Variants in TFAP4 observed in about 807,000 individuals in gnomAD.
TFAP4 encodes transcription factor AP-4.
A neutral mutation model predicts 40.4 loss-of-function variants in TFAP4; 7 were observed. That is an observed-to-expected ratio of 0.17 (90% CI 0.10 to 0.33). The LOEUF (loss-of-function observed/expected upper bound fraction) is 0.33, where lower values mean the gene tolerates loss of function less well. TFAP4 is among the 10% of genes least tolerant of loss of function. The pLI is 1.00. For synonymous variants in TFAP4, 218 were observed against 181.4 expected (o/e 1.20, Z -1.62); for missense variants, 374 against 451.1 (o/e 0.83, Z 1.55).
At chr16:4,260,055 C>T (rs766163277) in intron 6 of TFAP4, 35 bp downstream of exon 6, 12 of 1,591,862 alleles carry the variant, frequency 7.5e-6, no homozygotes, top group Non-Finnish European at 9.4e-6. Context: ...CGGAGTATGA[C>T]CCCCACAAGC....
At position 4,257,849 on chromosome 16, in the gene TFAP4, A is replaced by G; in HGVS notation, c.*206T>C. ...CGCCCTGGGGTGCCGATGCTCCCAC[A>G]CGCTCTGCGACACCCCAGCCCCGGG... On this transcript the variant is annotated 3_prime_UTR_variant, in exon 7 of 7. Coordinates refer to ENST00000204517, the MANE Select transcript of TFAP4 (RefSeq NM_003223.3). 1 of 563,496 alleles carries G rather than the reference A, an allele frequency of 1.8e-6. No individual in the cohort carries two copies. 34.9% of individuals were successfully genotyped at this position (563,496 alleles called of 1,614,324 possible).
At chr16:4,262,767 C>G in intron 1 of TFAP4, 66 bp from the exon 2 acceptor site, 2 of 1,547,680 alleles carry the variant, frequency 1.3e-6, no homozygotes, top group Non-Finnish European at 1.8e-6. Context: ...CCAGAGGGCC[C>G]CAGTGGAAAC....
chr16:4,259,034 G>C (rs191640914), intron 6 of TFAP4, among the ~76,000 whole-genome samples: 261 of 151,926 alleles, frequency 1.7e-3, no homozygotes, highest in African/African-American at 5.4e-3. Context: ...GTTGCGATGA[G>C]CTGAGATAGC....
In TFAP4 at chr16:4,257,853, T is replaced by TCTGCGACACCCCAGCCC. The variant is rs2052909184; in HGVS notation, c.*185_*201dup. 1.8e-6 allele frequency: 1 copy of TCTGCGACACCCCAGCCC among 568,560 alleles called. No individual in the cohort carries two copies. The highest frequency in any genetic ancestry group is 2.0e-5 in the African/African-American group (1 of 51,026). The allele number at this position is 568,560 out of a possible 1,614,324, so 35.2% of individuals were successfully genotyped here. On this transcript the variant is annotated 3_prime_UTR_variant, in exon 7 of 7. Transcript: ENST00000204517. ...CTGGGGTGCCGATGCTCCCACACGC[T>TCTGCGACACCCCAGCCC]CTGCGACACCCCAGCCCCGGGACCT...
chr16:4,269,286 G>T (rs913642691), intron 1 of TFAP4, among the ~76,000 whole-genome samples: 1 of 151,776 alleles, frequency 6.6e-6, no homozygotes, highest in Non-Finnish European at 1.5e-5. Context: ...GAGGTCAGGA[G>T]ATCGAGACCA....
chr16:4,258,381 G>A (rs949783263), intron 6 of TFAP4, 132 bp from the exon 7 acceptor site: 9 of 831,526 alleles, frequency 1.1e-5, no homozygotes, highest in Non-Finnish European at 1.5e-5. Context: ...AAAGCAGCAG[G>A]GGAGGCCCGC....
At chr16:4,263,116 G>A (rs995672809) in intron 1 of TFAP4, 2 of 223,394 alleles carry the variant, frequency 9.0e-6, no homozygotes, top group Admixed American at 5.2e-5. Flanking sequence ...AGGCTGCAGT[G>A]AGCTATGATC....
intron 6 of TFAP4, among the ~76,000 whole-genome samples, chr16:4,259,446 T>C (rs954243606): frequency 5.3e-5 from 8 of 152,364 alleles, no homozygotes; most frequent in African/African-American, 1.9e-4. Flanking sequence ...TATGTTTATG[T>C]ATTTTAAAGC....
intron 1 of TFAP4, among the ~76,000 whole-genome samples, chr16:4,270,794 C>T (rs2141098099): frequency 6.6e-6 from 1 of 152,316 alleles, no homozygotes; most frequent in South Asian, 2.1e-4. Context: ...AGGATCAGGC[C>T]CAGAATGTCT....
chr16:4,269,492 CAAAAAAAAAAAA>C (rs60856578), intron 1 of TFAP4, among the ~76,000 whole-genome samples: 3 of 43,218 alleles, frequency 6.9e-5, no homozygotes, highest in Non-Finnish European at 1.2e-4. Context: ...GACTCTGCCT[CAAAAAAAAAAAA>C]AAAAAAAAAA....
At chr16:4,272,572 A>G in intron 1 of TFAP4, 86 bp downstream of exon 1, 2 of 993,942 alleles carry the variant, frequency 2.0e-6, no homozygotes, top group African/African-American at 1.8e-5. Flanking sequence ...GGCGCGGGCC[A>G]TGCGTGCGCA....
At chr16:4,264,482 G>A (rs1206647085) in intron 1 of TFAP4, 1 of 152,384 alleles carries the variant, frequency 6.6e-6, no homozygotes, top group Non-Finnish European at 1.5e-5. Flanking sequence ...CAAAGGCCCA[G>A]GGCCTGCACC....
intron 1 of TFAP4, among the ~76,000 whole-genome samples, chr16:4,271,305 G>A (rs894263498): frequency 6.6e-6 from 1 of 152,230 alleles, no homozygotes; most frequent in Non-Finnish European, 1.5e-5. Flanking sequence ...ACACCGGCGG[G>A]CTCCTCCTCC....
chr16:4,257,923 A>T lies in TFAP4; in HGVS notation c.*132T>A. ...CAAAGGTCGATTTACAGTATTGAAA[A>T]AGAGGTCATAAAAGAGACCCAAATG... On this transcript the variant is annotated 3_prime_UTR_variant, in exon 7 of 7. Coordinates refer to ENST00000204517, the MANE Select transcript of TFAP4 (RefSeq NM_003223.3). 1.1e-6 allele frequency: 1 copy of T among 875,324 alleles called. No individual in the cohort carries two copies. Among genetic ancestry groups the T allele is most frequent in the Non-Finnish European group, 1.7e-6 (1 of 586,056 alleles). 54.2% of individuals were successfully genotyped at this position (875,324 alleles called of 1,614,324 possible). A position where few individuals can be genotyped will look rare whatever the true frequency, so the allele number is the denominator to read the frequency against.
At chr16:4,259,948 C>T (rs1034418822) in intron 6 of TFAP4, 142 bp downstream of exon 6, 64 of 1,131,526 alleles carry the variant, frequency 5.7e-5, no homozygotes, top group Non-Finnish European at 7.1e-5. Flanking sequence ...AGGGACGGGG[C>T]CCCCCAAGGC....
rs2052939083 is a variant in TFAP4, at chr16:4,260,611, C to A, written c.526-16G>T. 1 of 1,579,652 alleles carries A rather than the reference C, an allele frequency of 6.3e-7. No individual in the cohort carries two copies. On this transcript the variant is annotated splice_polypyrimidine_tract_variant and intron_variant, in intron 4 of 6. Coordinates refer to ENST00000204517, the MANE Select transcript of TFAP4 (RefSeq NM_003223.3). ...GCGAGCGCACCTGGAGGCAGGACAA[C>A]CTGGGCTCAGGGCCAAGGCCGGGAG... is the stretch of plus-strand genomic sequence containing the variant.
Position 4,257,327 on chromosome 16 carries a change from A to G in TFAP4, c.*728T>C, listed in dbSNP as rs954903082. On this transcript the variant is annotated 3_prime_UTR_variant, in exon 7 of 7. Coordinates refer to ENST00000204517, the MANE Select transcript of TFAP4 (RefSeq NM_003223.3). Reference sequence around the variant, plus strand: ...TCAAAATTGTAAAAAAAAAAAAAAAAGAAAGAAAAAAAAGAAAAACAAAAC... The same window carrying G: ...TCAAAATTGTAAAAAAAAAAAAAAAGGAAAGAAAAAAAAGAAAAACAAAAC... 1 of 140,694 alleles carries G rather than the reference A, an allele frequency of 7.1e-6. No homozygotes were observed. Among genetic ancestry groups the G allele is most frequent in the East Asian group, 2.1e-4 (1 of 4,786 alleles). The allele number at this position is 140,694 out of a possible 1,614,324, so 8.7% of individuals were successfully genotyped here.
intron 1 of TFAP4, among the ~76,000 whole-genome samples, chr16:4,269,220 G>T (rs970720938): frequency 6.6e-6 from 1 of 151,532 alleles, no homozygotes; most frequent in African/African-American, 2.4e-5. Context: ...GAGGCCAGGC[G>T]CGGTGGCTCA....
intron 1 of TFAP4, among the ~76,000 whole-genome samples, chr16:4,270,263 C>T (rs1363409882): frequency 6.6e-6 from 1 of 152,170 alleles, no homozygotes; most frequent in East Asian, 1.9e-4. Context: ...CTCTGTTTCC[C>T]AGAGACTGAG....
Sources: gnomAD v4.1 joint callset for allele counts (sites outside exome capture counted in the v4.1 genomes callset) on GRCh38, gnomAD v4.1.1 for gene constraint, MANE v1.5 for transcripts, NCBI Gene and HGNC (gene_info 2026-07-23, HGNC 2026-07-21) for gene names.